The following SLC10A7 variants were observed in gnomAD, a reference collection of about 807,000 sequenced individuals.
SLC10A7 encodes the protein solute carrier family 10 member 7, also known as sodium/bile acid cotransporter 7.
SLC10A7 carries 29 observed loss-of-function variants against 43.2 expected under a neutral mutation model. That is an observed-to-expected ratio of 0.67 (90% confidence interval 0.50 to 0.92). The LOEUF is 0.92. SLC10A7 is among the 40% of genes least tolerant of loss of function. SLC10A7 has a pLI of 0.00. For synonymous variants in SLC10A7, 152 were observed against 144.8 expected, an observed-to-expected ratio of 1.05 and a Z score of -0.35; for missense variants, 295 against 403.2, an observed-to-expected ratio of 0.73 and a Z score of 2.30.
intron 9 of SLC10A7, among the ~76,000 whole-genome samples, chr4:146,284,128 C>T (rs1560760903): frequency 1.3e-5 from 2 of 151,988 alleles, no homozygotes. Context: ...TGATTGTGCC[C>T]TTATATTTTA....
intron 5 of SLC10A7, among the ~76,000 whole-genome samples, chr4:146,414,410 T>A (rs1281961028): frequency 6.6e-6 from 1 of 152,036 alleles, no homozygotes; most frequent in Non-Finnish European, 1.5e-5. Flanking sequence ...GGGGCTAACA[T>A]GAAGTTCACT....
intron 5 of SLC10A7, among the ~76,000 whole-genome samples, chr4:146,434,616 T>G (rs537602704): frequency 6.6e-6 from 1 of 152,200 alleles, no homozygotes; most frequent in Non-Finnish European, 1.5e-5. Context: ...CAGGCTGGAG[T>G]GCAGTGGCAC....
At chr4:146,511,312 T>C (rs536928506) in intron 2 of SLC10A7, among the ~76,000 whole-genome samples, 1 of 152,152 alleles carries the variant, frequency 6.6e-6, no homozygotes, top group South Asian at 2.1e-4. Context: ...AAAAACAAAA[T>C]GGAAAACTAA....
chr4:146,317,174 G>C (rs1051847615), intron 6 of SLC10A7, among the ~76,000 whole-genome samples: 1 of 152,094 alleles, frequency 6.6e-6, no homozygotes, highest in Non-Finnish European at 1.5e-5. Flanking sequence ...TCTGAAGTTA[G>C]AGCATATAAC....
chr4:146,498,577 C>T (rs1288450988), intron 4 of SLC10A7, among the ~76,000 whole-genome samples: 1 of 152,018 alleles, frequency 6.6e-6, no homozygotes, highest in Non-Finnish European at 1.5e-5. Flanking sequence ...AAATAACAAT[C>T]ACAAATAAGA....
At chr4:146,503,302 A>C (rs1157883992) in intron 4 of SLC10A7, among the ~76,000 whole-genome samples, 1 of 152,222 alleles carries the variant, frequency 6.6e-6, no homozygotes, top group Admixed American at 6.5e-5. Flanking sequence ...AGAACCCCCT[A>C]TAAGTAGCTT....
At chr4:146,353,372 C>A (rs1352420331) in intron 5 of SLC10A7, among the ~76,000 whole-genome samples, 18 of 135,372 alleles carry the variant, frequency 1.3e-4, no homozygotes, top group South Asian at 5.5e-4. Context: ...CAATAACAGG[C>A]TCTGAAATTG....
intron 4 of SLC10A7, among the ~76,000 whole-genome samples, chr4:146,480,414 C>T (rs192783658): frequency 2.0e-4 from 31 of 152,238 alleles, no homozygotes; most frequent in African/African-American, 5.5e-4. Flanking sequence ...ATTTCTCTTT[C>T]GTGTAAAAGA....
intron 6 of SLC10A7, among the ~76,000 whole-genome samples, chr4:146,313,987 A>G (rs1009580255): frequency 6.6e-6 from 1 of 152,284 alleles, no homozygotes; most frequent in African/African-American, 2.4e-5. Flanking sequence ...TTGTGTGCTG[A>G]TAATATGTTT....
intron 5 of SLC10A7, among the ~76,000 whole-genome samples, chr4:146,417,457 G>C (rs750126683): frequency 7.2e-5 from 11 of 152,140 alleles, no homozygotes; most frequent in Non-Finnish European, 1.6e-4. Flanking sequence ...AGAAAATCCA[G>C]AGCAACTCTC....
At chr4:146,411,134 C>A (rs1020673714) in intron 5 of SLC10A7, among the ~76,000 whole-genome samples, 1 of 152,108 alleles carries the variant, frequency 6.6e-6, no homozygotes, top group African/African-American at 2.4e-5. Flanking sequence ...CTTGCCCGGC[C>A]TTCTTCACCT....
At chr4:146,439,926 G>T (rs1270631330) in intron 5 of SLC10A7, among the ~76,000 whole-genome samples, 1 of 152,068 alleles carries the variant, frequency 6.6e-6, no homozygotes, top group Non-Finnish European at 1.5e-5. Flanking sequence ...TTACAATTTG[G>T]AATTTCACTC....
At chr4:146,486,998 A>G (rs915089200) in intron 4 of SLC10A7, among the ~76,000 whole-genome samples, 2 of 152,142 alleles carry the variant, frequency 1.3e-5, no homozygotes, top group Non-Finnish European at 2.9e-5. Flanking sequence ...CCAAACTGCA[A>G]TTGCTTCCTC....
intron 9 of SLC10A7, among the ~76,000 whole-genome samples, chr4:146,289,716 T>TTG (rs1730279956): frequency 7.4e-6 from 1 of 135,626 alleles, no homozygotes; most frequent in African/African-American, 2.8e-5. Flanking sequence ...GTTTTTTTTT[T>TTG]TTTTTTTTTT....
chr4:146,386,893 G>A (rs1738042805), intron 5 of SLC10A7, among the ~76,000 whole-genome samples: 2 of 152,176 alleles, frequency 1.3e-5, no homozygotes, highest in South Asian at 4.1e-4. Flanking sequence ...CGAATAGCAA[G>A]TTCTATTTTT....
chr4:146,410,464 T>C (rs912745640), intron 5 of SLC10A7, among the ~76,000 whole-genome samples: 2 of 152,126 alleles, frequency 1.3e-5, no homozygotes, highest in African/African-American at 4.8e-5. Context: ...AAAAGGAAAG[T>C]AGACACACAT....
chr4:146,325,754 T>C (rs192666006), intron 6 of SLC10A7, among the ~76,000 whole-genome samples: 1 of 152,354 alleles, frequency 6.6e-6, no homozygotes, highest in East Asian at 1.9e-4. Context: ...GGAGGCCTAA[T>C]GACTGGGTCC....
intron 6 of SLC10A7, among the ~76,000 whole-genome samples, chr4:146,310,658 C>T (rs1210211930): frequency 6.6e-6 from 1 of 151,966 alleles, no homozygotes; most frequent in Admixed American, 6.6e-5. Flanking sequence ...ATGCTTACTG[C>T]ATGTGGAATA....
intron 10 of SLC10A7, among the ~76,000 whole-genome samples, chr4:146,278,977 C>G (rs975834423): frequency 6.6e-6 from 1 of 152,134 alleles, no homozygotes; most frequent in Non-Finnish European, 1.5e-5. Flanking sequence ...TACATATAAA[C>G]AATGTAAGAA....
Sources: gnomAD v4.1 joint callset for allele counts (sites outside exome capture counted in the v4.1 genomes callset) on GRCh38, gnomAD v4.1.1 for gene constraint, MANE v1.5 for transcripts, NCBI Gene and HGNC (gene_info 2026-07-23, HGNC 2026-07-21) for gene names.